Variants in FHIT observed in about 807,000 individuals in gnomAD.
FHIT encodes bis(5'-adenosyl)-triphosphatase.
In FHIT, 19 loss-of-function variants were observed where a neutral mutation model predicts 17.9. That is an observed-to-expected ratio of 1.06 (90% CI 0.74 to 1.56). The LOEUF is 1.56. FHIT is among the 40% of genes most tolerant of loss of function. The pLI, the probability that FHIT is intolerant of heterozygous loss-of-function variation, is 0.00. For synonymous variants in FHIT, 81 were observed against 69.7 expected, an observed-to-expected ratio of 1.16 and a Z score of -0.81; for missense variants, 248 against 189.2, an observed-to-expected ratio of 1.31 and a Z score of -1.82.
At chr3:60,290,694 T>C (rs913511796) in intron 5 of FHIT, among the ~76,000 whole-genome samples, 2 of 152,170 alleles carry the variant, frequency 1.3e-5, no homozygotes, top group Non-Finnish European at 2.9e-5. Context: ...ATTCACTGCA[T>C]TACACTGTGT....
intron 3 of FHIT, among the ~76,000 whole-genome samples, chr3:60,906,247 C>T (rs1216986016): frequency 2.0e-5 from 3 of 151,994 alleles, no homozygotes; most frequent in Admixed American, 6.5e-5. Flanking sequence ...AACTATTTTC[C>T]GTGTACTATA....
At chr3:60,903,420 T>C (rs920071896) in intron 3 of FHIT, among the ~76,000 whole-genome samples, 3 of 152,324 alleles carry the variant, frequency 2.0e-5, no homozygotes, top group African/African-American at 7.2e-5. Flanking sequence ...TAAAATACTT[T>C]TTAAGTTAAA....
At chr3:60,374,728 G>C (rs1267783599) in intron 5 of FHIT, among the ~76,000 whole-genome samples, 3 of 152,040 alleles carry the variant, frequency 2.0e-5, no homozygotes, top group Middle Eastern at 6.8e-3. Context: ...CCGAAGTCAA[G>C]ATCAAATTGC....
chr3:59,996,759 G>A (rs911572933), intron 7 of FHIT, among the ~76,000 whole-genome samples: 3 of 152,016 alleles, frequency 2.0e-5, no homozygotes, highest in Non-Finnish European at 2.9e-5. Context: ...ATTACTTAAC[G>A]AAGAAAAGTA....
chr3:61,138,380 C>G (rs1039992903), intron 2 of FHIT, among the ~76,000 whole-genome samples: 1 of 152,174 alleles, frequency 6.6e-6, no homozygotes, highest in Non-Finnish European at 1.5e-5. Flanking sequence ...GAGCAGACAC[C>G]AGAAACAAAA....
At chr3:60,620,498 G>A (rs986984357) in intron 4 of FHIT, among the ~76,000 whole-genome samples, 10 of 152,046 alleles carry the variant, frequency 6.6e-5, no homozygotes, top group Non-Finnish European at 1.3e-4. Flanking sequence ...AGAAAGACAT[G>A]GAGTTACTTT....
At chr3:61,011,890 C>T (rs2031812069) in intron 3 of FHIT, among the ~76,000 whole-genome samples, 1 of 152,112 alleles carries the variant, frequency 6.6e-6, no homozygotes, top group Non-Finnish European at 1.5e-5. Context: ...ACTGAGAACT[C>T]AGAAGTGAAA....
Position 60,180,118 on chromosome 3 carries a change from C to T in FHIT, c.104-165966G>A, listed in dbSNP as rs79345349. Among the ~76,000 whole-genome samples the T allele has an allele frequency of 7.4e-3, 1,120 of 152,208 alleles. 10 individuals carry two copies. The highest frequency in any genetic ancestry group is 0.026 in the African/African-American group (1,068 of 41,518). On this transcript the variant is annotated intron_variant, in intron 5 of 9. Coordinates refer to ENST00000492590, the MANE Select transcript of FHIT (RefSeq NM_002012.4). ...ATGGAGAGCAGTGGTGTTTAGGCCACCAAAACAGCTTATACAAAGACTTGA... is the reference window on the plus strand; with the variant it reads ...ATGGAGAGCAGTGGTGTTTAGGCCATCAAAACAGCTTATACAAAGACTTGA...
chr3:60,368,955 A>G (rs1700217023), intron 5 of FHIT, among the ~76,000 whole-genome samples: 1 of 151,600 alleles, frequency 6.6e-6, no homozygotes, highest in Non-Finnish European at 1.5e-5. Context: ...AGTATATTTC[A>G]ATCATGGCAC....
rs9311765 is a variant in FHIT at position 60,473,251 on chromosome 3, A to T, written c.103+63609T>A. 8.3e-4 allele frequency among the ~76,000 whole-genome samples: 127 copies of T among 152,330 alleles called. 1 individual carries two copies. The highest frequency in any genetic ancestry group is 3.1e-3 in the African/African-American group (127 of 41,574). On this transcript the variant is annotated intron_variant, in intron 5 of 9. Transcript: ENST00000492590. Reference sequence around the variant, plus strand: ...TATCCACAGATAGCTGGCTTCTTCGATAAAATTCAATTCAAATCAAAGAGT... The same window carrying T: ...TATCCACAGATAGCTGGCTTCTTCGTTAAAATTCAATTCAAATCAAAGAGT...
intron 4 of FHIT, among the ~76,000 whole-genome samples, chr3:60,636,982 C>T (rs1165847119): frequency 6.6e-6 from 1 of 152,088 alleles, no homozygotes; most frequent in Non-Finnish European, 1.5e-5. Flanking sequence ...GGTGGGGCTT[C>T]CTTCCATTTC....
At chr3:60,375,559 G>A (rs1700518690) in intron 5 of FHIT, among the ~76,000 whole-genome samples, 1 of 151,958 alleles carries the variant, frequency 6.6e-6, no homozygotes, top group Non-Finnish European at 1.5e-5. Context: ...TGGGTGACAC[G>A]GTGAGTGAGA....
At chr3:59,807,115 T>C (rs1379450526) in intron 8 of FHIT, among the ~76,000 whole-genome samples, 3 of 152,144 alleles carry the variant, frequency 2.0e-5, no homozygotes, top group Admixed American at 6.5e-5. Flanking sequence ...CAGATTTCTC[T>C]ATGAGAGCAA....
chr3:60,241,700 A>ATAGG (rs1457095666), intron 5 of FHIT, among the ~76,000 whole-genome samples: 1 of 152,112 alleles, frequency 6.6e-6, no homozygotes, highest in Non-Finnish European at 1.5e-5. Context: ...CCATTCCCAG[A>ATAGG]TAGGTACCGC....
In FHIT at chr3:60,284,695, C is replaced by T. The variant is rs75862702; in HGVS notation, c.103+252165G>A. Among the ~76,000 whole-genome samples, 684 of 152,032 alleles carry T rather than the reference C, an allele frequency of 4.5e-3. 5 individuals are homozygous for T. The highest frequency in any genetic ancestry group is 0.017 in the Middle Eastern group (5 of 294). ...ATGTATCATAATGTTTCTAAGATAA[C>T]GCATGGACTTTTTAAAGAATTTCAT... On this transcript the variant is annotated intron_variant, in intron 5 of 9. Coordinates refer to ENST00000492590, the MANE Select transcript of FHIT (RefSeq NM_002012.4).
intron 3 of FHIT, among the ~76,000 whole-genome samples, chr3:60,867,011 T>C (rs1487867586): frequency 3.9e-5 from 6 of 152,186 alleles, no homozygotes; most frequent in Non-Finnish European, 8.8e-5. Context: ...GGAAATTGAA[T>C]GTATTCGATC....
chr3:60,576,463 G>A (rs1215170879), intron 4 of FHIT, among the ~76,000 whole-genome samples: 4 of 152,088 alleles, frequency 2.6e-5, no homozygotes, highest in Non-Finnish European at 5.9e-5. Flanking sequence ...TCAATAACAC[G>A]TAATGATAAA....
intron 5 of FHIT, among the ~76,000 whole-genome samples, chr3:60,400,514 T>A (rs1333363388): frequency 6.6e-6 from 1 of 152,202 alleles, no homozygotes; most frequent in Admixed American, 6.5e-5. Flanking sequence ...AACACCAACC[T>A]TGGGTTAGTA....
chr3:60,602,780 C>T (rs2038486906), intron 4 of FHIT, among the ~76,000 whole-genome samples: 2 of 152,112 alleles, frequency 1.3e-5, no homozygotes, highest in Admixed American at 1.3e-4. Context: ...CAGTGGAAGT[C>T]ATGAGGGCTC....
Sources: allele counts gnomAD v4.1 joint callset (sites outside exome capture counted in the v4.1 genomes callset), GRCh38; gene constraint gnomAD v4.1.1; transcripts MANE v1.5; gene names NCBI Gene and HGNC (gene_info 2026-07-23, HGNC 2026-07-21).